Variants in RSRP1 observed in about 807,000 individuals in gnomAD.
RSRP1 encodes arginine/serine-rich protein 1.
Under a neutral mutation model 33.0 loss-of-function variants are expected in RSRP1, and 37 were observed. That is an observed-to-expected ratio of 1.12 (90% CI 0.86 to 1.48). The LOEUF (loss-of-function observed/expected upper bound fraction) is 1.48. RSRP1 is among the 40% of genes most tolerant of loss of function. The pLI is 0.00. For missense variants in RSRP1, 402 were observed against 385.3 expected (o/e 1.04, Z -0.36); for synonymous variants, 167 against 158.7 (o/e 1.05, Z -0.40).
chr1:25,260,175 T>TA (rs1294884411), intron 1 of RSRP1, among the ~76,000 whole-genome samples: 5 of 152,246 alleles, frequency 3.3e-5, no homozygotes, highest in Non-Finnish European at 5.9e-5. Context: ...TATAGCTATA[T>TA]GTATGGTTGC....
rs1380549265 is a variant in RSRP1, at chr1:25,322,031, A to G, written c.-67+15947T>C. ...AACTTAAAAACATACCTGAGTATAT[A>G]TGTTGACTTGCTGTTTATGAGTAAA... is the stretch of plus-strand genomic sequence containing the variant. On this transcript the variant is annotated intron_variant, in intron 1 of 1. Transcript: ENST00000561867. The G allele has an allele frequency of 3.6e-6, 3 of 830,778 alleles. 1 individual carries two copies. Among genetic ancestry groups the G allele is most frequent in the African/African-American group, 3.2e-5 (2 of 61,980 alleles). 51.5% of individuals were successfully genotyped at this position (830,778 alleles called of 1,614,324 possible). A position where few individuals can be genotyped will look rare whatever the true frequency, so the allele number is the denominator to read the frequency against.
intron 1 of RSRP1, among the ~76,000 whole-genome samples, chr1:25,276,591 A>G (rs147956456): frequency 0.025 from 3,047 of 122,514 alleles, 385 homozygotes; most frequent in African/African-American, 0.082. Context: ...GCACATGCCT[A>G]TAGTCCCAGC....
chr1:25,334,440 G>C lies in RSRP1; in HGVS notation c.-67+3538C>G, dbSNP rs1328883254. 2.3e-5 allele frequency among the ~76,000 whole-genome samples: 3 copies of C among 131,776 alleles called. 1 individual carries two copies. The highest frequency in any genetic ancestry group is 7.8e-5 in the African/African-American group (3 of 38,224). 86.5% of individuals were successfully genotyped at this position (131,776 alleles called of 152,430 possible). On this transcript the variant is annotated intron_variant, in intron 1 of 1. Transcript: ENST00000561867. ...TCAGCTGCTTTCATGGGCTGGCATT[G>C]AGTGTCTGCAACTTTTCCAGGTACA... is the stretch of plus-strand genomic sequence containing the variant.
chr1:25,318,489 G>A (rs1362653098), intron 1 of RSRP1, among the ~76,000 whole-genome samples: 2 of 131,290 alleles, frequency 1.5e-5, no homozygotes, highest in African/African-American at 5.2e-5. Flanking sequence ...TGGGGAGGCT[G>A]AAGTAGGGGA....
chr1:25,256,081 G>A (rs1235232809), intron 1 of RSRP1, among the ~76,000 whole-genome samples: 3 of 151,080 alleles, frequency 2.0e-5, no homozygotes, highest in Non-Finnish European at 2.9e-5. Context: ...TTGTTCCCAT[G>A]TTCAGCAACT....
Position 25,243,635 on chromosome 1 carries a change from T to A in RSRP1, c.673-2A>T, listed in dbSNP as rs768925594. On this transcript the variant is annotated splice_acceptor_variant, in intron 3 of 4. Coordinates refer to ENST00000243189, the MANE Select transcript of RSRP1 (RefSeq NM_020317.5). LOFTEE classifies it high-confidence loss of function. ...ATCTTCTGTTACCTTTTCCGACAGC[T>A]AGACAGGTTAAGAAAAAGTGTAATT... 1 of 1,613,638 alleles carries A rather than the reference T, an allele frequency of 6.2e-7. No homozygotes were observed. The highest frequency in any genetic ancestry group is 1.1e-5 in the South Asian group (1 of 91,030).
intron 1 of RSRP1, among the ~76,000 whole-genome samples, chr1:25,300,129 G>A (rs1032603588): frequency 2.3e-5 from 3 of 131,202 alleles, no homozygotes; most frequent in East Asian, 3.9e-4. Flanking sequence ...CATCACTCCC[G>A]CAGAGTTAAA....
At chr1:25,285,288 C>G (rs1223322157) in intron 1 of RSRP1, among the ~76,000 whole-genome samples, 1 of 133,874 alleles carries the variant, frequency 7.5e-6, no homozygotes, top group East Asian at 1.9e-4. Context: ...GCATGTGCCA[C>G]CGCGCCTGGC....
upstream of RSRP1, among the ~76,000 whole-genome samples, chr1:25,249,284 C>T (rs190287779): frequency 3.3e-5 from 5 of 152,174 alleles, no homozygotes; most frequent in Admixed American, 2.6e-4. Context: ...AACAAGTCTC[C>T]GTAGACAGTT....
chr1:25,249,400 T>C (rs1639704975), upstream of RSRP1, among the ~76,000 whole-genome samples: 4 of 152,186 alleles, frequency 2.6e-5, no homozygotes, highest in African/African-American at 9.7e-5. Context: ...TGCAGTGGTG[T>C]GATCTTGGGC....
At position 25,303,056 on chromosome 1, in the gene RSRP1, T is replaced by C. The variant is rs1414770613; in HGVS notation, c.-67+34922A>G. Among the ~76,000 whole-genome samples the C allele has an allele frequency of 4.6e-5, 6 of 131,702 alleles. 2 individuals are homozygous for C. Among genetic ancestry groups the C allele is most frequent in the Non-Finnish European group, 1.1e-4 (6 of 55,584 alleles). The allele number at this position is 131,702 out of a possible 152,430, so 86.4% of individuals were successfully genotyped here. ...TGAGTGTGATGGGTGCCTAGGATGC[T>C]GAGCACCTGGACTTCCCAGCTCATT... On this transcript the variant is annotated intron_variant, in intron 1 of 1. Coordinates refer to the RSRP1 transcript ENST00000561867.
Position 25,245,230 on chromosome 1 carries a change from G to A in RSRP1, c.592C>T (p.Pro198Ser), listed in dbSNP as rs1464226465. 1.2e-6 allele frequency: 2 copies of A among 1,614,014 alleles called. No individual in the cohort carries two copies. The highest frequency in any genetic ancestry group is 1.7e-6 in the Non-Finnish European group (2 of 1,179,996). Residue 198 changes from proline to serine, a missense_variant, in exon 3 of 5, where the codon CCA becomes TCA. Pro to Ser is a moderately conservative substitution (Grantham distance 74). Coordinates refer to ENST00000243189, the MANE Select transcript of RSRP1 (RefSeq NM_020317.5). ...GAAGGAACAGTTCTGAGACTAGCTG[G>A]CAAGTCAATGTTGGTTGTTCCTAGA... ...KALGTTNIDLPASLRTVPSAK... is the reference protein window; with the variant it reads ...KALGTTNIDLSASLRTVPSAK...
intron 1 of RSRP1, among the ~76,000 whole-genome samples, chr1:25,300,511 C>A (rs1643301290): frequency 2.1e-5 from 2 of 96,520 alleles, no homozygotes; most frequent in African/African-American, 7.0e-5. Context: ...GACTCTGTCT[C>A]AAAAAAAAAA....
chr1:25,337,036 CCA>C (rs1280309010), intron 1 of RSRP1: 4 of 162,432 alleles, frequency 2.5e-5, no homozygotes, highest in African/African-American at 9.5e-5. Context: ...GACAATTGAC[CCA>C]CCTTTTTAAC....
chr1:25,267,870 A>T (rs1039837263), intron 1 of RSRP1: 1 of 131,472 alleles, frequency 7.6e-6, no homozygotes, highest in African/African-American at 2.6e-5. Context: ...CTGTGAACCC[A>T]GAGCGGCGGA....
intron 1 of RSRP1, among the ~76,000 whole-genome samples, chr1:25,296,645 T>C (rs557930337): frequency 1.5e-5 from 2 of 131,460 alleles, no homozygotes; most frequent in East Asian, 3.9e-4. Context: ...TGGGAGGTGA[T>C]TGGATCACAG....
chr1:25,271,384 G>A (rs569862319), intron 1 of RSRP1, among the ~76,000 whole-genome samples: 2 of 131,030 alleles, frequency 1.5e-5, no homozygotes, highest in Admixed American at 7.4e-5. Context: ...GTATTTCAGT[G>A]GACAACTGTA....
chr1:25,263,320 T>G (rs1640217661), intron 1 of RSRP1, among the ~76,000 whole-genome samples: 1 of 151,900 alleles, frequency 6.6e-6, no homozygotes, highest in South Asian at 2.1e-4. Flanking sequence ...GCCATTGTAT[T>G]AGTCTGTTCA....
upstream of RSRP1, among the ~76,000 whole-genome samples, chr1:25,251,788 T>C (rs1639789933): frequency 6.6e-6 from 1 of 151,972 alleles, no homozygotes; most frequent in Non-Finnish European, 1.5e-5. Context: ...CTAAAAGAGG[T>C]CTCCATCCTT....
Sources: allele counts gnomAD v4.1 joint callset (sites outside exome capture counted in the v4.1 genomes callset), GRCh38; gene constraint gnomAD v4.1.1; transcripts MANE v1.5; gene names NCBI Gene and HGNC (gene_info 2026-07-23, HGNC 2026-07-21).